ADAM12: variants seen among roughly 807,000 people sequenced by gnomAD.
ADAM12 encodes ADAM metallopeptidase domain 12, also known as disintegrin and metalloproteinase domain-containing protein 12.
Under a neutral mutation model 106.4 loss-of-function variants are expected in ADAM12, and 70 were observed. The observed-to-expected ratio is 0.66, with a 90% confidence interval of 0.54 to 0.80. The LOEUF is 0.80. Among genes scored for constraint, ADAM12 ranks in the 30% least tolerant of loss-of-function variants. ADAM12 has a pLI of 0.00. For synonymous variants in ADAM12, 420 were observed against 433.5 expected (o/e 0.97, Z 0.39); for missense variants, 1,010 against 1,171.9 (o/e 0.86, Z 2.02).
chr10:126,388,192 C>A lies in ADAM12; in HGVS notation c.-47G>T. On this transcript the variant is annotated 5_prime_UTR_variant, in exon 1 of 23. Transcript: ENST00000448723. The surrounding 1 kb of genome is among the most constrained non-coding windows in gnomAD (Gnocchi z 4.4). ...CAGCTCTCGGGCCCGGCGGCGAGCGCTGCACCATCCCACGCGGGCGCCGAG... is the reference window on the plus strand; with the variant it reads ...CAGCTCTCGGGCCCGGCGGCGAGCGATGCACCATCCCACGCGGGCGCCGAG... 8.3e-7 allele frequency: 1 copy of A among 1,200,602 alleles called. No homozygotes were observed. The highest frequency in any genetic ancestry group is 1.0e-6 in the Non-Finnish European group (1 of 967,692). 74.4% of individuals were successfully genotyped at this position (1,200,602 alleles called of 1,614,324 possible).
chr10:126,143,835 TCCTTGTTC>T (rs1454212952), intron 4 of ADAM12, among the ~76,000 whole-genome samples: 1 of 152,068 alleles, frequency 6.6e-6, no homozygotes, highest in Non-Finnish European at 1.5e-5. Flanking sequence ...TGCAGTCAGG[TCCTTGTTC>T]CCTTGCACGC....
At chr10:126,235,440 G>A (rs1314705836) in intron 3 of ADAM12, among the ~76,000 whole-genome samples, 3 of 152,172 alleles carry the variant, frequency 2.0e-5, no homozygotes, top group African/African-American at 4.8e-5. Context: ...ACCAGGGAGC[G>A]CGGACCGCTG....
intron 3 of ADAM12, among the ~76,000 whole-genome samples, chr10:126,245,790 A>G (rs1355668685): frequency 1.3e-5 from 2 of 152,146 alleles, no homozygotes; most frequent in African/African-American, 2.4e-5. Flanking sequence ...AGAAGAAAGC[A>G]TTGGATTTGG....
At chr10:126,161,716 C>T (rs1290034992) in intron 3 of ADAM12, among the ~76,000 whole-genome samples, 1 of 152,042 alleles carries the variant, frequency 6.6e-6, no homozygotes, top group African/African-American at 2.4e-5. Flanking sequence ...AAGATGTGTG[C>T]CTAATTTAAA....
chr10:126,233,699 T>C (rs1166167124), intron 3 of ADAM12, among the ~76,000 whole-genome samples: 2 of 152,130 alleles, frequency 1.3e-5, no homozygotes, highest in Admixed American at 6.5e-5. Flanking sequence ...TGCTCTGCAA[T>C]TACTGGACAC....
chr10:126,050,753 T>G (rs190309121), intron 14 of ADAM12, among the ~76,000 whole-genome samples: 1 of 152,230 alleles, frequency 6.6e-6, no homozygotes, highest in Non-Finnish European at 1.5e-5. Context: ...CTAGCAGACA[T>G]GATCATCTCA....
intron 2 of ADAM12, among the ~76,000 whole-genome samples, chr10:126,299,548 C>T (rs1374290510): frequency 1.3e-5 from 2 of 152,188 alleles, no homozygotes; most frequent in African/African-American, 2.4e-5. Flanking sequence ...TTCTACTAAG[C>T]AACCTTGACT....
intron 3 of ADAM12, among the ~76,000 whole-genome samples, chr10:126,193,752 C>T (rs1957546043): frequency 6.6e-6 from 1 of 152,080 alleles, no homozygotes; most frequent in Admixed American, 6.6e-5. Flanking sequence ...CAAAAATTAG[C>T]TGCATGTGGT....
At chr10:126,159,340 C>T (rs915819994) in intron 3 of ADAM12, among the ~76,000 whole-genome samples, 3 of 144,244 alleles carry the variant, frequency 2.1e-5, no homozygotes, top group Admixed American at 1.4e-4. Context: ...AAGGAGCACA[C>T]TTGACCAGCT....
intron 7 of ADAM12, 23 bp downstream of exon 7, chr10:126,109,752 G>A: frequency 1.2e-6 from 2 of 1,602,910 alleles, no homozygotes; most frequent in Non-Finnish European, 1.7e-6. Flanking sequence ...CAACCATACT[G>A]AGAAATTTTA....
intron 3 of ADAM12, among the ~76,000 whole-genome samples, chr10:126,191,161 C>T (rs1565126935): frequency 6.6e-6 from 1 of 151,718 alleles, no homozygotes; most frequent in Non-Finnish European, 1.5e-5. Context: ...GCCACCACGC[C>T]CGGCTAATTT....
chr10:126,025,570 T>TA (rs989549480), intron 21 of ADAM12, among the ~76,000 whole-genome samples: 6 of 151,988 alleles, frequency 3.9e-5, no homozygotes, highest in African/African-American at 1.5e-4. Context: ...GTGATTGGGG[T>TA]ACCCAAAAGA....
chr10:126,119,818 C>T (rs145719940), intron 5 of ADAM12, among the ~76,000 whole-genome samples: 1 of 152,166 alleles, frequency 6.6e-6, no homozygotes, highest in South Asian at 2.1e-4. Context: ...CTTGGGCTGT[C>T]GGGTTCCTTC....
chr10:126,142,313 C>T (rs1273898100), intron 4 of ADAM12, among the ~76,000 whole-genome samples: 2 of 152,162 alleles, frequency 1.3e-5, no homozygotes, highest in African/African-American at 4.8e-5. Flanking sequence ...TATTTACTGA[C>T]AGCAAGCCAG....
chr10:126,387,144 A>C (rs56273358), intron 1 of ADAM12, among the ~76,000 whole-genome samples: 24,470 of 152,198 alleles, frequency 0.16, 2,232 homozygotes, highest in East Asian at 0.32. Flanking sequence ...GGCCAAGGGA[A>C]GTCGTTCATC....
intron 1 of ADAM12, among the ~76,000 whole-genome samples, chr10:126,380,358 C>G (rs977974867): frequency 6.6e-6 from 1 of 152,198 alleles, no homozygotes; most frequent in Non-Finnish European, 1.5e-5. Flanking sequence ...AATCTCACTG[C>G]TATAGTTATG....
At chr10:126,177,454 C>T (rs530346297) in intron 3 of ADAM12, among the ~76,000 whole-genome samples, 1 of 152,242 alleles carries the variant, frequency 6.6e-6, no homozygotes, top group East Asian at 1.9e-4. Flanking sequence ...GTGGAACAGA[C>T]AACTAAGACA....
At chr10:126,090,571 CAA>C (rs1469367073) in intron 11 of ADAM12, among the ~76,000 whole-genome samples, 6 of 152,106 alleles carry the variant, frequency 3.9e-5, no homozygotes, top group Admixed American at 3.9e-4. Flanking sequence ...CTGCTTTTGC[CAA>C]AGAGTCATTT....
chr10:126,025,426 A>G (rs1314378886), intron 21 of ADAM12, among the ~76,000 whole-genome samples: 1 of 151,778 alleles, frequency 6.6e-6, no homozygotes, highest in Admixed American at 6.6e-5. Flanking sequence ...TAGATGAAGC[A>G]GAGGAAAAAA....
Sources: allele counts gnomAD v4.1 joint callset (sites outside exome capture counted in the v4.1 genomes callset), GRCh38; gene constraint gnomAD v4.1.1; non-coding constraint Gnocchi (gnomAD v3.1); transcripts MANE v1.5; gene names NCBI Gene and HGNC (gene_info 2026-07-23, HGNC 2026-07-21).